EMID1: variants seen among roughly 807,000 people sequenced by gnomAD.
EMID1 encodes the protein EMI domain containing 1.
Under a neutral mutation model 60.6 loss-of-function variants are expected in EMID1, and 40 were observed. The ratio of observed to expected loss-of-function variants is 0.66; its 90% CI spans 0.51 to 0.86. EMID1 has a LOEUF of 0.86. Ranked by LOEUF, EMID1 falls within the 40% of genes least tolerant of loss-of-function variation. The pLI, the probability that EMID1 is intolerant of heterozygous loss-of-function variation, is 0.00. For synonymous variants in EMID1, 242 were observed against 231.0 expected, an observed-to-expected ratio of 1.05 and a Z score of -0.43; for missense variants, 585 against 597.1, an observed-to-expected ratio of 0.98 and a Z score of 0.21.
At chr22:29,231,168 G>C (rs1477111566) in intron 6 of EMID1, 28 bp downstream of exon 6, 6 of 1,569,944 alleles carry the variant, frequency 3.8e-6, no homozygotes, top group Non-Finnish European at 4.3e-6. Context: ...ACTCCCCTGT[G>C]GGAATGAGCA....
intron 13 of EMID1, among the ~76,000 whole-genome samples, chr22:29,246,300 G>T (rs1276153560): frequency 1.3e-5 from 2 of 152,242 alleles, no homozygotes; most frequent in Non-Finnish European, 2.9e-5. Flanking sequence ...TTTGGACTTT[G>T]TTCTAGGGCA....
intron 3 of EMID1, among the ~76,000 whole-genome samples, chr22:29,220,046 G>A (rs889550130): frequency 2.0e-5 from 3 of 151,792 alleles, no homozygotes; most frequent in Admixed American, 1.3e-4. Context: ...CCTCCTGCCA[G>A]CCCATCCTGC....
chr22:29,225,007 T>C (rs2040446107), intron 3 of EMID1, 126 bp from the exon 4 acceptor site: 1 of 906,846 alleles, frequency 1.1e-6, no homozygotes. Flanking sequence ...ACATTGCCTC[T>C]CCTCTGGGCC....
intron 14 of EMID1, among the ~76,000 whole-genome samples, chr22:29,257,260 A>G (rs2041737634): frequency 6.6e-6 from 1 of 152,192 alleles, no homozygotes; most frequent in East Asian, 1.9e-4. Flanking sequence ...CATTGGCGCA[A>G]CATACACATC....
chr22:29,251,880 C>T (rs1454093401), intron 13 of EMID1, among the ~76,000 whole-genome samples: 1 of 151,924 alleles, frequency 6.6e-6, no homozygotes, highest in Non-Finnish European at 1.5e-5. Flanking sequence ...GGCCAGGCTG[C>T]TTTTGCACTC....
At chr22:29,251,667 T>C (rs1314004990) in intron 13 of EMID1, among the ~76,000 whole-genome samples, 4 of 152,000 alleles carry the variant, frequency 2.6e-5, no homozygotes, top group Admixed American at 6.6e-5. Context: ...CCAAATAATT[T>C]TTTTTTCTTT....
intron 12 of EMID1, among the ~76,000 whole-genome samples, chr22:29,235,309 T>C (rs2040904375): frequency 6.8e-6 from 1 of 147,892 alleles, no homozygotes; most frequent in Non-Finnish European, 1.5e-5. Context: ...GATCACACCA[T>C]TGTGCTCCAG....
At chr22:29,223,006 G>C (rs1021381058) in intron 3 of EMID1, among the ~76,000 whole-genome samples, 1 of 152,120 alleles carries the variant, frequency 6.6e-6, no homozygotes. Context: ...AAGGAGAATC[G>C]CTTGAACCCA....
At chr22:29,256,315 A>G (rs2041704465) in intron 14 of EMID1, among the ~76,000 whole-genome samples, 1 of 152,000 alleles carries the variant, frequency 6.6e-6, no homozygotes, top group Non-Finnish European at 1.5e-5. Flanking sequence ...TCTACTAAAA[A>G]TTAGTTGGGT....
chr22:29,213,499 G>A (rs1317031092), intron 1 of EMID1, among the ~76,000 whole-genome samples: 1 of 152,164 alleles, frequency 6.6e-6, no homozygotes, highest in Non-Finnish European at 1.5e-5. Flanking sequence ...ATTCCACAGG[G>A]CCCTAAATTG....
At position 29,231,156 on chromosome 22, in the gene EMID1, A is replaced by G; in HGVS notation, c.586+16A>G. ...GGCCTCCAGGGTGAGTGTCAGACTC[A>G]GACTCCCCTGTGGGAATGAGCAGTG... On this transcript the variant is annotated intron_variant, in intron 6 of 14. Transcript: ENST00000334018. 2 of 1,585,456 alleles carry G rather than the reference A, an allele frequency of 1.3e-6. No individual in the cohort carries two copies. The highest frequency in any genetic ancestry group is 1.7e-6 in the Non-Finnish European group (2 of 1,167,876).
Position 29,231,313 on chromosome 22 carries a change from C to T in EMID1, c.586+173C>T, listed in dbSNP as rs912265174. The T allele has an allele frequency of 8.9e-6, 9 of 1,010,474 alleles. No individual in the cohort carries two copies. In the East Asian group the frequency reaches 2.4e-4, roughly 27 times the overall value. 62.6% of individuals were successfully genotyped at this position (1,010,474 alleles called of 1,614,324 possible). On this transcript the variant is annotated intron_variant, in intron 6 of 14. Coordinates refer to ENST00000334018, the MANE Select transcript of EMID1 (RefSeq NM_133455.4). ...CTAAGAGGACCGTCTCCTGGGACTC[C>T]TGAATGCTGCAGTCCCTGGAGACCA...
intron 3 of EMID1, among the ~76,000 whole-genome samples, chr22:29,217,137 A>G (rs1361738097): frequency 1.3e-5 from 2 of 152,182 alleles, no homozygotes; most frequent in Non-Finnish European, 2.9e-5. Context: ...CTCCCCAGAC[A>G]AAGGCCATTC....
At chr22:29,230,637 C>T (rs2040703526) in intron 5 of EMID1, among the ~76,000 whole-genome samples, 1 of 152,152 alleles carries the variant, frequency 6.6e-6, no homozygotes, top group Non-Finnish European at 1.5e-5. Flanking sequence ...GTGCCTCCTG[C>T]CTCCCACACC....
intron 12 of EMID1, among the ~76,000 whole-genome samples, chr22:29,236,797 T>C (rs984544714): frequency 7.1e-6 from 1 of 141,782 alleles, no homozygotes; most frequent in African/African-American, 2.5e-5. Context: ...CTTTTTTTTC[T>C]TTTTTTTTTT....
chr22:29,209,299 C>G (rs1375719337), intron 1 of EMID1, among the ~76,000 whole-genome samples: 1 of 152,126 alleles, frequency 6.6e-6, no homozygotes, highest in Non-Finnish European at 1.5e-5. Context: ...TCCTGGAGGC[C>G]TCTGGGGGCC....
intron 13 of EMID1, among the ~76,000 whole-genome samples, chr22:29,246,729 G>C (rs1569002196): frequency 1.3e-5 from 2 of 152,218 alleles, no homozygotes; most frequent in African/African-American, 2.4e-5. Context: ...AGACTGGGTT[G>C]TCATCAGTGC....
At chr22:29,224,495 A>C (rs929850096) in intron 3 of EMID1, among the ~76,000 whole-genome samples, 5 of 152,184 alleles carry the variant, frequency 3.3e-5, no homozygotes, top group African/African-American at 1.2e-4. Flanking sequence ...GGGTGGCAGC[A>C]GGGGTTGGCC....
At chr22:29,222,813 C>T (rs907014937) in intron 3 of EMID1, among the ~76,000 whole-genome samples, 9 of 152,196 alleles carry the variant, frequency 5.9e-5, no homozygotes, top group Admixed American at 1.3e-4. Flanking sequence ...TATACATGGC[C>T]GGGCGCGATG....
Sources: allele counts gnomAD v4.1 joint callset (sites outside exome capture counted in the v4.1 genomes callset), GRCh38; gene constraint gnomAD v4.1.1; transcripts MANE v1.5; gene names NCBI Gene and HGNC (gene_info 2026-07-23, HGNC 2026-07-21).